Variants in HVCN1 observed in about 807,000 individuals in gnomAD.
HVCN1 encodes the protein voltage-gated hydrogen channel 1.
Under a neutral mutation model 29.2 loss-of-function variants are expected in HVCN1, and 14 were observed. The ratio of observed to expected loss-of-function variants is 0.48; its 90% CI spans 0.32 to 0.75. The LOEUF is 0.75. Among genes scored for constraint, HVCN1 ranks in the 30% least tolerant of loss-of-function variants. HVCN1 has a pLI of 0.04. For missense variants in HVCN1, 263 were observed against 341.8 expected (o/e 0.77, Z 1.82); for synonymous variants, 131 against 133.2 (o/e 0.98, Z 0.11).
chr12:110,667,353 C>T (rs1168184576), intron 3 of HVCN1, among the ~76,000 whole-genome samples: 3 of 152,154 alleles, frequency 2.0e-5, no homozygotes, highest in African/African-American at 7.2e-5. Flanking sequence ...AAGCTGGTCT[C>T]GAACTCCTGA....
At position 110,661,368 on chromosome 12, in the gene HVCN1, G is replaced by A; in HGVS notation, c.102C>T (p.Asp34=). 6.2e-7 allele frequency: 1 copy of A among 1,614,212 alleles called. No individual in the cohort carries two copies. The highest frequency in any genetic ancestry group is 8.5e-7 in the Non-Finnish European group (1 of 1,180,034). Residue 34 remains aspartate (D), a synonymous_variant, in exon 4 of 8, where the codon GAC becomes GAT. Coordinates refer to ENST00000242607, the MANE Select transcript of HVCN1 (RefSeq NM_032369.4). This position sits in a 1 kb window ranked among gnomAD's most constrained non-coding sequence, Gnocchi z 6.2. ...FLRHFTVVGD[D]YHAWNINYKK... is the part of the protein sequence containing the mutation. ...TGTAGTTGATGTTCCAGGCATGGTA[G>A]TCGTCTCCCACGACCGTGAAGTGCC... is the stretch of plus-strand genomic sequence containing the variant.
chr12:110,664,950 G>C (rs2068294401), intron 3 of HVCN1, among the ~76,000 whole-genome samples: 5 of 152,148 alleles, frequency 3.3e-5, no homozygotes, highest in African/African-American at 1.2e-4. Context: ...CCAGAGTAGA[G>C]AGACCTCATT....
rs192699211 is a variant in HVCN1 at position 110,676,028 on chromosome 12, G to A, written c.21+7197C>T. 1.6e-3 allele frequency among the ~76,000 whole-genome samples: 251 copies of A among 152,330 alleles called. 2 individuals carry two copies. The highest frequency in any genetic ancestry group is 5.9e-3 in the African/African-American group (244 of 41,572). Reference sequence around the variant, plus strand: ...GCAACATGGTAACCACCACCTGTCAGTGGACAGTCCACAGACTTGCAGCTG... The same window carrying A: ...GCAACATGGTAACCACCACCTGTCAATGGACAGTCCACAGACTTGCAGCTG... On this transcript the variant is annotated intron_variant, in intron 3 of 7. Transcript: ENST00000242607. This position sits in a 1 kb window ranked among gnomAD's most constrained non-coding sequence, Gnocchi z 4.1.
chr12:110,656,874 G>C (rs1323764290), intron 4 of HVCN1, among the ~76,000 whole-genome samples: 1 of 152,180 alleles, frequency 6.6e-6, no homozygotes, highest in African/African-American at 2.4e-5. Flanking sequence ...CAAGCCTCTA[G>C]TAGGGTTTTT....
chr12:110,696,552 GA>G (rs201640934), intron 2 of HVCN1, among the ~76,000 whole-genome samples: 28 of 142,452 alleles, frequency 2.0e-4, no homozygotes, highest in East Asian at 6.1e-4. Context: ...CCATCTCTAA[GA>G]AAAAAAAAAA....
intron 2 of HVCN1, among the ~76,000 whole-genome samples, chr12:110,685,126 G>C (rs1740190092): frequency 6.6e-6 from 1 of 152,202 alleles, no homozygotes; most frequent in South Asian, 2.1e-4. Context: ...TCAAGATGGA[G>C]GGAATGATTT....
At chr12:110,664,014 C>G (rs1301294102) in intron 3 of HVCN1, among the ~76,000 whole-genome samples, 1 of 152,148 alleles carries the variant, frequency 6.6e-6, no homozygotes, top group Non-Finnish European at 1.5e-5. Flanking sequence ...AATTCCTGTG[C>G]TCAAGCAATT....
intron 3 of HVCN1, among the ~76,000 whole-genome samples, chr12:110,670,826 A>G (rs2068550894): frequency 6.6e-6 from 1 of 152,144 alleles, no homozygotes; most frequent in African/African-American, 2.4e-5. Context: ...TGCAGATGTA[A>G]CTAAAGATGA....
chr12:110,679,697 C>T (rs1416641565), intron 3 of HVCN1, among the ~76,000 whole-genome samples: 1 of 151,782 alleles, frequency 6.6e-6, no homozygotes, highest in African/African-American at 2.4e-5. Context: ...ACTAAAAATA[C>T]AAAAAATTAG....
chr12:110,661,437 G>A lies in HVCN1; in HGVS notation c.33C>T (p.Arg11=). ...TCTCAGCGGGAGCCACCTTGGCCCT[G>A]CGGGTGACTGCCTAGAAGGCGGGGA... The part of the protein sequence containing the change: MATWDEKAVT[R]RAKVAPAERM... Residue 11 remains arginine, a synonymous_variant, in exon 4 of 8, where the codon CGC becomes CGT. Transcript: ENST00000242607. The surrounding 1 kb of genome is among the most constrained non-coding windows in gnomAD (Gnocchi z 6.2). 1.2e-6 allele frequency: 2 copies of A among 1,613,968 alleles called. No homozygotes were observed. The highest frequency in any genetic ancestry group is 1.1e-5 in the South Asian group (1 of 91,086).
intron 2 of HVCN1, among the ~76,000 whole-genome samples, chr12:110,698,576 T>C (rs1340290937): frequency 1.3e-5 from 2 of 152,166 alleles, no homozygotes; most frequent in Non-Finnish European, 2.9e-5. Context: ...TACATTGAAC[T>C]CCCTCGCACC....
At chr12:110,671,768 C>T (rs567520433) in intron 3 of HVCN1, among the ~76,000 whole-genome samples, 15 of 152,358 alleles carry the variant, frequency 9.8e-5, no homozygotes, top group Middle Eastern at 3.4e-3. Flanking sequence ...ACAGCGACAG[C>T]GGCTCCTTTT....
intron 2 of HVCN1, chr12:110,687,895 C>G (rs1345124538): frequency 6.6e-6 from 1 of 152,288 alleles, no homozygotes; most frequent in Admixed American, 6.5e-5. Flanking sequence ...GTGCAAGCCT[C>G]AGCCCAGAGA....
chr12:110,661,037 G>C lies in HVCN1; in HGVS notation c.306+127C>G, dbSNP rs1179089710. 1 of 878,892 alleles carries C rather than the reference G, an allele frequency of 1.1e-6. No homozygotes were observed. The highest frequency in any genetic ancestry group is 1.8e-6 in the Non-Finnish European group (1 of 554,920). The allele number at this position is 878,892 out of a possible 1,614,324, so 54.4% of individuals were successfully genotyped here. ...GGTACAGGGTCCCCGGCACGTGGTA[G>C]GTGCTGGGCAAACACTCGTAGAATG... On this transcript the variant is annotated intron_variant, in intron 4 of 7. Transcript: ENST00000242607. The surrounding 1 kb of genome is among the most constrained non-coding windows in gnomAD (Gnocchi z 6.2).
In HVCN1 at chr12:110,648,974, C is replaced by G. The variant is rs1003854422; in HGVS notation, c.*436G>C. The G allele has an allele frequency of 2.3e-6, 1 of 443,756 alleles. No individual in the cohort carries two copies. Among genetic ancestry groups the G allele is most frequent in the African/African-American group, 2.1e-5 (1 of 48,628 alleles). The allele number at this position is 443,756 out of a possible 1,614,324, so 27.5% of individuals were successfully genotyped here. A position where few individuals can be genotyped will look rare whatever the true frequency, so the allele number is the denominator to read the frequency against. Reference sequence around the variant, plus strand: ...GAAACTGAGACGAAGCTATTTAGAACAGCTTGAAAATAAGAGACTTTTCTA... The same window carrying G: ...GAAACTGAGACGAAGCTATTTAGAAGAGCTTGAAAATAAGAGACTTTTCTA... On this transcript the variant is annotated 3_prime_UTR_variant, in exon 8 of 8. Transcript: ENST00000242607.
rs2069293966 is a variant in HVCN1 at position 110,688,720 on chromosome 12, G to C, written c.-103-12C>G. On this transcript the variant is annotated splice_polypyrimidine_tract_variant and intron_variant, in intron 1 of 7. Coordinates refer to ENST00000242607, the MANE Select transcript of HVCN1 (RefSeq NM_032369.4). Reference sequence around the variant, plus strand: ...CTTGGTTTCTTCACCTGTTAAGAGGGAGACGACGATGGTCACCTGTGGCTG... The same window carrying C: ...CTTGGTTTCTTCACCTGTTAAGAGGCAGACGACGATGGTCACCTGTGGCTG... The C allele has an allele frequency of 6.6e-6, 1 of 152,426 alleles. No individual in the cohort carries two copies. Among genetic ancestry groups the C allele is most frequent in the Admixed American group, 6.5e-5 (1 of 15,284 alleles). 9.4% of individuals were successfully genotyped at this position (152,426 alleles called of 1,614,324 possible). A position where few individuals can be genotyped will look rare whatever the true frequency, so the allele number is the denominator to read the frequency against.
chr12:110,697,913 G>C (rs1160766815), intron 2 of HVCN1, among the ~76,000 whole-genome samples: 1 of 152,126 alleles, frequency 6.6e-6, no homozygotes, highest in African/African-American at 2.4e-5. Flanking sequence ...GCCTCCCAAA[G>C]TGCTGGGATT....
intron 2 of HVCN1, among the ~76,000 whole-genome samples, chr12:110,684,531 A>G (rs2069108807): frequency 6.6e-6 from 1 of 152,196 alleles, no homozygotes; most frequent in African/African-American, 2.4e-5. Flanking sequence ...CCACAGAGCA[A>G]ACAGAGGAGT....
chr12:110,683,004 C>A, intron 3 of HVCN1: 4 of 528,644 alleles, frequency 7.6e-6, no homozygotes, highest in Admixed American at 3.5e-5. Context: ...TAGTTATTAA[C>A]ATACAGGGCT....
Sources: allele counts gnomAD v4.1 joint callset (sites outside exome capture counted in the v4.1 genomes callset), GRCh38; gene constraint gnomAD v4.1.1; non-coding constraint Gnocchi (gnomAD v3.1); transcripts MANE v1.5; gene names NCBI Gene and HGNC (gene_info 2026-07-23, HGNC 2026-07-21).